The following PTPRD variants were observed in gnomAD, a reference collection of about 807,000 sequenced individuals.
The protein encoded by PTPRD is receptor-type tyrosine-protein phosphatase delta.
In PTPRD, 34 loss-of-function variants were observed where a neutral mutation model predicts 214.5. The observed-to-expected ratio is 0.16, with a 90% CI of 0.12 to 0.21. The LOEUF is 0.21. Among genes scored for constraint, PTPRD ranks in the 10% least tolerant of loss-of-function variants. PTPRD has a pLI of 1.00. For missense variants in PTPRD, 2,545 were observed against 2,398.7 expected (o/e 1.06, Z -1.27); for synonymous variants, 1,128 against 845.7 (o/e 1.33, Z -5.79).
chr9:8,791,338 G>A (rs1411466075), intron 11 of PTPRD, among the ~76,000 whole-genome samples: 2 of 151,816 alleles, frequency 1.3e-5, no homozygotes, highest in Admixed American at 6.6e-5. Context: ...TGATTCTCCT[G>A]CCTTAGCCTC....
chr9:9,428,888 G>A (rs1000762081), intron 8 of PTPRD, among the ~76,000 whole-genome samples: 1 of 152,214 alleles, frequency 6.6e-6, no homozygotes, highest in African/African-American at 2.4e-5. Context: ...AGTATCTCTG[G>A]GACACATTTA....
At chr9:9,074,153 T>G (rs975634812) in intron 10 of PTPRD, among the ~76,000 whole-genome samples, 5 of 152,154 alleles carry the variant, frequency 3.3e-5, no homozygotes, top group Non-Finnish European at 4.4e-5. Context: ...CTTAGGATAT[T>G]AAGCCACTTA....
rs1206165800 is a variant in PTPRD at position 8,600,851 on chromosome 9, G to C, written c.352+32466C>G. ...CATATTACCAACTGTGGTGGCTATG[G>C]GGAGAAACTGCTTCTGCTTGAGAAA... On this transcript the variant is annotated intron_variant, in intron 14 of 45. Transcript: ENST00000381196. Among the ~76,000 whole-genome samples the C allele has an allele frequency of 2.0e-5, 3 of 151,926 alleles. No individual in the cohort carries two copies. The East Asian group carries it at 5.9e-4, about 30-fold the overall frequency.
At chr9:10,577,394 T>C (rs1490116209) in intron 2 of PTPRD, among the ~76,000 whole-genome samples, 2 of 152,202 alleles carry the variant, frequency 1.3e-5, no homozygotes, top group African/African-American at 4.8e-5. Flanking sequence ...AAATTACAGA[T>C]TGAAGGCAAA....
intron 11 of PTPRD, among the ~76,000 whole-genome samples, chr9:8,748,846 G>A (rs1183410564): frequency 1.3e-5 from 2 of 152,204 alleles, no homozygotes; most frequent in South Asian, 2.1e-4. Flanking sequence ...AGGAGCGGGG[G>A]TTGTGGTAAG....
At chr9:9,720,695 G>A (rs973121086) in intron 7 of PTPRD, among the ~76,000 whole-genome samples, 1 of 151,988 alleles carries the variant, frequency 6.6e-6, no homozygotes, top group Non-Finnish European at 1.5e-5. Context: ...ATACACAGGA[G>A]TTTAAATTGC....
At chr9:9,794,980 G>A (rs759702865) in intron 5 of PTPRD, among the ~76,000 whole-genome samples, 8 of 152,220 alleles carry the variant, frequency 5.3e-5, no homozygotes, top group Non-Finnish European at 1.2e-4. Flanking sequence ...GGAGTGGAAA[G>A]AGCAGAGGTA....
At chr9:8,613,297 A>G (rs999469294) in intron 14 of PTPRD, among the ~76,000 whole-genome samples, 10 of 152,140 alleles carry the variant, frequency 6.6e-5, no homozygotes, top group Non-Finnish European at 1.3e-4. Context: ...GGCCTCTTCC[A>G]TTTCTAGAAG....
chr9:9,712,381 T>C (rs1489073258), intron 7 of PTPRD, among the ~76,000 whole-genome samples: 1 of 151,712 alleles, frequency 6.6e-6, no homozygotes, highest in Non-Finnish European at 1.5e-5. Context: ...AACATAAACT[T>C]TGATTGTAAT....
intron 3 of PTPRD, among the ~76,000 whole-genome samples, chr9:10,309,251 T>G (rs1326914346): frequency 6.6e-6 from 1 of 152,050 alleles, no homozygotes; most frequent in Non-Finnish European, 1.5e-5. Flanking sequence ...TCTTTCTCCT[T>G]TTCTTATTTT....
intron 11 of PTPRD, among the ~76,000 whole-genome samples, chr9:8,820,726 A>C (rs2097037805): frequency 6.6e-6 from 1 of 151,508 alleles, no homozygotes; most frequent in Non-Finnish European, 1.5e-5. Context: ...CATACTACAC[A>C]CCACACACAC....
intron 35 of PTPRD, among the ~76,000 whole-genome samples, chr9:8,405,337 T>C (rs1201086450): frequency 6.6e-6 from 1 of 152,114 alleles, no homozygotes; most frequent in African/African-American, 2.4e-5. Context: ...ATTTTCTATT[T>C]ATTATTATGT....
At position 9,663,927 on chromosome 9, in the gene PTPRD, T is replaced by C. The variant is rs562218498; in HGVS notation, c.-287+70606A>G. Among the ~76,000 whole-genome samples the C allele has an allele frequency of 2.5e-3, 384 of 151,580 alleles. 2 individuals carry two copies. Among genetic ancestry groups the C allele is most frequent in the African/African-American group, 8.7e-3 (360 of 41,496 alleles). On this transcript the variant is annotated intron_variant, in intron 7 of 45. Transcript: ENST00000381196. Reference sequence around the variant, plus strand: ...AGCTGGATTTGAATAGTTTTTAAGATAAAGTTTTAGAAACTCTTTCACATA... The same window carrying C: ...AGCTGGATTTGAATAGTTTTTAAGACAAAGTTTTAGAAACTCTTTCACATA...
At chr9:10,590,472 A>G (rs2075150423) in intron 2 of PTPRD, among the ~76,000 whole-genome samples, 1 of 151,960 alleles carries the variant, frequency 6.6e-6, no homozygotes, top group Non-Finnish European at 1.5e-5. Context: ...TCAATCTTCC[A>G]CATCTTCTCC....
At chr9:9,892,556 G>T (rs967718679) in intron 5 of PTPRD, among the ~76,000 whole-genome samples, 3 of 152,096 alleles carry the variant, frequency 2.0e-5, no homozygotes, top group African/African-American at 7.2e-5. Context: ...TTACTAGTAA[G>T]ATGGAAAAAC....
chr9:10,098,056 C>T (rs12335685), intron 3 of PTPRD, among the ~76,000 whole-genome samples: 5,311 of 151,656 alleles, frequency 0.035, 155 homozygotes, highest in South Asian at 0.071. Context: ...ATGTTTATTG[C>T]GGCACTATTC....
chr9:8,581,567 T>G (rs940333376), intron 14 of PTPRD, among the ~76,000 whole-genome samples: 4 of 151,454 alleles, frequency 2.6e-5, no homozygotes, highest in Admixed American at 6.6e-5. Flanking sequence ...GCTAACACAG[T>G]GAAACCCCAT....
intron 9 of PTPRD, among the ~76,000 whole-genome samples, chr9:9,208,511 G>T (rs531799739): frequency 6.6e-6 from 1 of 151,958 alleles, no homozygotes; most frequent in South Asian, 2.1e-4. Context: ...ATTTTGCTTT[G>T]TAGAGTTTAC....
intron 5 of PTPRD, among the ~76,000 whole-genome samples, chr9:9,903,870 A>G (rs1424477817): frequency 6.6e-6 from 1 of 152,154 alleles, no homozygotes; most frequent in Non-Finnish European, 1.5e-5. Context: ...TCTAAGTTAC[A>G]TTTGACCATA....
Sources: allele counts gnomAD v4.1 joint callset (sites outside exome capture counted in the v4.1 genomes callset), GRCh38; gene constraint gnomAD v4.1.1; transcripts MANE v1.5; gene names NCBI Gene and HGNC (gene_info 2026-07-23, HGNC 2026-07-21).